The following HABP4 variants were observed in gnomAD, a reference collection of about 807,000 sequenced individuals.
HABP4 encodes the protein hyaluronan binding protein 4.
A neutral mutation model predicts 44.1 loss-of-function variants in HABP4; 32 were observed. That is an observed-to-expected ratio of 0.73 (90% CI 0.55 to 0.97). The LOEUF (loss-of-function observed/expected upper bound fraction) is 0.97. HABP4 is among the 50% of genes least tolerant of loss of function. HABP4 has a pLI of 0.00. For synonymous variants in HABP4, 216 were observed against 218.0 expected, an observed-to-expected ratio of 0.99 and a Z score of 0.08; for missense variants, 503 against 561.9, an observed-to-expected ratio of 0.90 and a Z score of 1.06.
rs2131169016 is a variant in HABP4, at chr9:96,490,394, C to CG, written c.*361dup. Reference sequence around the variant, plus strand: ...AGACTCTTAGGAAGCAGTAGATTCCCGGGGGCTGTGCCTTTAGCGTTAGAG... The same window carrying CG: ...AGACTCTTAGGAAGCAGTAGATTCCCGGGGGGCTGTGCCTTTAGCGTTAGAG... On this transcript the variant is annotated 3_prime_UTR_variant, in exon 8 of 8. Coordinates refer to ENST00000375249, the MANE Select transcript of HABP4 (RefSeq NM_014282.4). 5.0e-6 allele frequency: 1 copy of CG among 198,688 alleles called. No individual in the cohort carries two copies. The highest frequency in any genetic ancestry group is 1.2e-4 in the East Asian group (1 of 8,568). The allele number at this position is 198,688 out of a possible 1,614,324, so 12.3% of individuals were successfully genotyped here. A position where few individuals can be genotyped will look rare whatever the true frequency, so the allele number is the denominator to read the frequency against.
chr9:96,453,963 T>G (rs553827912), intron 1 of HABP4, among the ~76,000 whole-genome samples: 16 of 152,342 alleles, frequency 1.1e-4, no homozygotes, highest in African/African-American at 3.1e-4. Flanking sequence ...TGATCATTAT[T>G]CTAATTATCT....
At chr9:96,451,129 C>T (rs557472831) in intron 1 of HABP4, among the ~76,000 whole-genome samples, 1 of 152,126 alleles carries the variant, frequency 6.6e-6, no homozygotes, top group Non-Finnish European at 1.5e-5. Flanking sequence ...CGTCGGGGCC[C>T]GGGCGGGGGT....
At chr9:96,474,989 C>G (rs1305759632) in intron 5 of HABP4, among the ~76,000 whole-genome samples, 2 of 152,184 alleles carry the variant, frequency 1.3e-5, no homozygotes, top group African/African-American at 4.8e-5. Flanking sequence ...TCCATCTTCT[C>G]CTTTCATTAC....
chr9:96,473,348 C>T (rs1832727710), intron 5 of HABP4, among the ~76,000 whole-genome samples: 1 of 152,184 alleles, frequency 6.6e-6, no homozygotes, highest in Non-Finnish European at 1.5e-5. Flanking sequence ...ACGAGTCATC[C>T]TTGGAACTTC....
intron 4 of HABP4, among the ~76,000 whole-genome samples, chr9:96,469,603 A>C (rs1011619283): frequency 4.7e-4 from 72 of 151,972 alleles, no homozygotes; most frequent in Non-Finnish European, 8.7e-4. Flanking sequence ...GCTCACTGCA[A>C]CCTCCGCCTC....
intron 4 of HABP4, 76 bp from the exon 5 acceptor site, chr9:96,470,935 T>G: frequency 1.1e-6 from 1 of 895,596 alleles, no homozygotes; most frequent in Non-Finnish European, 1.8e-6. Flanking sequence ...AAAACAATGT[T>G]TTCTCCTTCT....
At chr9:96,465,203 G>T (rs953988721) in intron 2 of HABP4, 134 bp from the exon 3 acceptor site, 22 of 675,270 alleles carry the variant, frequency 3.3e-5, no homozygotes, top group East Asian at 2.0e-4. Context: ...CTCACTAAAG[G>T]TTAACTATTA....
At chr9:96,455,419 T>C (rs1180041812) in intron 1 of HABP4, among the ~76,000 whole-genome samples, 2 of 136,488 alleles carry the variant, frequency 1.5e-5, no homozygotes, top group African/African-American at 5.7e-5. Flanking sequence ...GCCACTGCAC[T>C]CCAGCCTGGC....
intron 4 of HABP4, among the ~76,000 whole-genome samples, chr9:96,469,877 A>G (rs1308680284): frequency 6.6e-6 from 1 of 152,178 alleles, no homozygotes; most frequent in East Asian, 1.9e-4. Context: ...TAATTTTGAA[A>G]CTTAATTGTC....
intron 6 of HABP4, among the ~76,000 whole-genome samples, chr9:96,485,825 AGTT>A (rs1832966841): frequency 6.6e-6 from 1 of 152,074 alleles, no homozygotes; most frequent in Non-Finnish European, 1.5e-5. Context: ...GTGGGGTATT[AGTT>A]ATTGATTTTC....
chr9:96,458,913 A>G (rs1243283982), intron 2 of HABP4, among the ~76,000 whole-genome samples: 1 of 152,126 alleles, frequency 6.6e-6, no homozygotes, highest in Non-Finnish European at 1.5e-5. Context: ...GTGAGCCACC[A>G]TGCCCGGCCC....
chr9:96,460,754 A>G (rs1832487431), intron 2 of HABP4, among the ~76,000 whole-genome samples: 1 of 152,234 alleles, frequency 6.6e-6, no homozygotes, highest in Non-Finnish European at 1.5e-5. Flanking sequence ...GAATGAGGTT[A>G]CGCACTTTTG....
chr9:96,451,291 C>T (rs943495502), intron 1 of HABP4, among the ~76,000 whole-genome samples: 1 of 152,246 alleles, frequency 6.6e-6, no homozygotes, highest in Admixed American at 6.5e-5. Flanking sequence ...GCGTTTTTAA[C>T]CTTTCCAGCA....
intron 4 of HABP4, among the ~76,000 whole-genome samples, chr9:96,466,192 A>G (rs1832598676): frequency 6.6e-6 from 1 of 152,084 alleles, no homozygotes; most frequent in Non-Finnish European, 1.5e-5. Context: ...CAACATGGTG[A>G]AACCCCGTTT....
intron 4 of HABP4, among the ~76,000 whole-genome samples, chr9:96,467,443 T>C (rs1832620423): frequency 6.6e-6 from 1 of 152,044 alleles, no homozygotes; most frequent in African/African-American, 2.4e-5. Flanking sequence ...TTTGATAATA[T>C]ATTTTAAAAA....
At chr9:96,477,502 ACT>A (rs1832800921) in intron 5 of HABP4, among the ~76,000 whole-genome samples, 1 of 151,828 alleles carries the variant, frequency 6.6e-6, no homozygotes, top group South Asian at 2.1e-4. Context: ...TATACCTGCT[ACT>A]CTTTTTTAAT....
intron 6 of HABP4, among the ~76,000 whole-genome samples, chr9:96,485,486 C>T (rs911255150): frequency 1.3e-5 from 2 of 152,228 alleles, no homozygotes; most frequent in South Asian, 4.1e-4. Context: ...CGCTTGGCTG[C>T]TCGGTCAGGC....
chr9:96,473,945 C>G (rs1218667067), intron 5 of HABP4, among the ~76,000 whole-genome samples: 1 of 152,152 alleles, frequency 6.6e-6, no homozygotes, highest in Non-Finnish European at 1.5e-5. Context: ...TATTTAATTT[C>G]TTTTTCAGTG....
In HABP4 at chr9:96,488,158, C is replaced by A. The variant is rs758588993; in HGVS notation, c.1069C>A (p.Leu357Met). The A allele has an allele frequency of 1.2e-6, 2 of 1,612,782 alleles. No homozygotes were observed. Among genetic ancestry groups the A allele is most frequent in the Non-Finnish European group, 1.7e-6 (2 of 1,178,780 alleles). Residue 357 changes from leucine (L) to methionine (M), a missense_variant, in exon 7 of 8, where the codon CTG becomes ATG. This residue lies in a region of HABP4 where 131 missense variants were observed against 189.8 expected (regional missense o/e 0.69). Transcript: ENST00000375249. The surrounding 1 kb of genome is among the most constrained non-coding windows in gnomAD (Gnocchi z 4.6). ...RKPANDITSQ[L>M]EINFGNLPRP... is the part of the protein sequence containing the mutation. ...ACCCGCCAATGACATCACATCCCAG[C>A]TGGAGATTAATTTTGGTAACCTCCC...
Sources: gnomAD v4.1 joint callset for allele counts (sites outside exome capture counted in the v4.1 genomes callset) on GRCh38, gnomAD v4.1.1 for gene constraint, gnomAD v4.1.1 regional missense constraint, Gnocchi (gnomAD v3.1) non-coding constraint, MANE v1.5 for transcripts, NCBI Gene and HGNC (gene_info 2026-07-23, HGNC 2026-07-21) for gene names.